GTF2A1: variants seen among roughly 807,000 people sequenced by gnomAD.
GTF2A1 encodes the protein transcription initiation factor IIA subunit 1.
A neutral mutation model predicts 54.1 loss-of-function variants in GTF2A1; 12 were observed. The observed-to-expected ratio is 0.22, with a 90% CI of 0.14 to 0.36. The LOEUF is 0.36. Among genes scored for constraint, GTF2A1 ranks in the 10% least tolerant of loss-of-function variants. GTF2A1 has a pLI of 1.00. For synonymous variants in GTF2A1, 145 were observed against 152.0 expected (o/e 0.95, Z 0.34); for missense variants, 335 against 442.2 (o/e 0.76, Z 2.17).
At chr14:81,195,606 T>C (rs540702076) in intron 6 of GTF2A1, among the ~76,000 whole-genome samples, 2 of 124,678 alleles carry the variant, frequency 1.6e-5, no homozygotes, top group African/African-American at 3.2e-5. Flanking sequence ...CACTCCAGCC[T>C]GGGTGAAAGA....
At chr14:81,192,861 T>A in intron 6 of GTF2A1, 22 bp from the exon 7 acceptor site, 1 of 1,332,344 alleles carries the variant, frequency 7.5e-7, no homozygotes, top group Non-Finnish European at 1.1e-6. Context: ...GAAAACCACA[T>A]AACAGTAACT....
Position 81,220,615 on chromosome 14 carries a change from A to G in GTF2A1, c.-97T>C, listed in dbSNP as rs1416173557. The G allele has an allele frequency of 4.2e-6, 4 of 963,816 alleles. No individual in the cohort carries two copies. In the African/African-American group the frequency reaches 7.0e-5, roughly 17 times the overall value. 59.7% of individuals were successfully genotyped at this position (963,816 alleles called of 1,614,324 possible). ...AACTATAACACCCGGAGGGTGACCC[A>G]AATCACCGCAAGATTGGGGAAAAAA... is the stretch of plus-strand genomic sequence containing the variant. On this transcript the variant is annotated 5_prime_UTR_variant, in exon 1 of 9. Transcript: ENST00000553612.
chr14:81,202,900 C>T, intron 3 of GTF2A1: 2 of 417,046 alleles, frequency 4.8e-6, no homozygotes, highest in Non-Finnish European at 9.4e-6. Flanking sequence ...TGAAAAGTAC[C>T]ACTAGATATC....
At chr14:81,202,491 G>A (rs1282688837) in intron 3 of GTF2A1, among the ~76,000 whole-genome samples, 2 of 152,150 alleles carry the variant, frequency 1.3e-5, no homozygotes, top group African/African-American at 4.8e-5. Context: ...AACTCAGGAG[G>A]CTAAGGTGGG....
chr14:81,220,010 C>G (rs1893583529), intron 1 of GTF2A1, among the ~76,000 whole-genome samples: 1 of 151,952 alleles, frequency 6.6e-6, no homozygotes, highest in African/African-American at 2.4e-5. Flanking sequence ...CCCAAAGTAA[C>G]CATTAATCTT....
At position 81,177,431 on chromosome 14, in the gene GTF2A1, G is replaced by A. The variant is rs1215481742; in HGVS notation, c.*2792C>T. On this transcript the variant is annotated 3_prime_UTR_variant, in exon 9 of 9. Coordinates refer to ENST00000553612, the MANE Select transcript of GTF2A1 (RefSeq NM_015859.4). Reference sequence around the variant, plus strand: ...AAACATGCTCTCAGGCATTCAAATGGTCTGATTACCCAAATGGCCACCAAG... The same window carrying A: ...AAACATGCTCTCAGGCATTCAAATGATCTGATTACCCAAATGGCCACCAAG... 1 of 152,096 alleles carries A rather than the reference G, an allele frequency of 6.6e-6. No individual in the cohort carries two copies. Among genetic ancestry groups the A allele is most frequent in the Non-Finnish European group, 1.5e-5 (1 of 67,956 alleles). 9.4% of individuals were successfully genotyped at this position (152,096 alleles called of 1,614,324 possible). A position where few individuals can be genotyped will look rare whatever the true frequency, so the allele number is the denominator to read the frequency against.
At chr14:81,210,623 C>T (rs1212882782) in intron 2 of GTF2A1, among the ~76,000 whole-genome samples, 3 of 152,092 alleles carry the variant, frequency 2.0e-5, no homozygotes, top group Non-Finnish European at 4.4e-5. Flanking sequence ...GGTGCGATCT[C>T]GGCTCACTGC....
chr14:81,207,169 ACCT>A (rs1387335489), intron 2 of GTF2A1, among the ~76,000 whole-genome samples: 3 of 151,622 alleles, frequency 2.0e-5, no homozygotes, highest in Non-Finnish European at 4.4e-5. Flanking sequence ...CTACCTACCT[ACCT>A]ACCTACCTAC....
intron 2 of GTF2A1, 38 bp from the exon 3 acceptor site, chr14:81,204,142 TA>T: frequency 7.4e-7 from 1 of 1,352,072 alleles, no homozygotes; most frequent in Non-Finnish European, 1.1e-6. Context: ...AAGTGAAAAA[TA>T]ACTCTGGACA....
chr14:81,216,932 G>A (rs569886832), intron 1 of GTF2A1, among the ~76,000 whole-genome samples: 1 of 152,208 alleles, frequency 6.6e-6, no homozygotes, highest in East Asian at 1.9e-4. Flanking sequence ...GGAGTCATCT[G>A]CCTGGTAATA....
In GTF2A1 at chr14:81,179,531, G is replaced by A. The variant is rs1427042672; in HGVS notation, c.*692C>T. 6.6e-6 allele frequency: 1 copy of A among 152,138 alleles called. No homozygotes were observed. Among genetic ancestry groups the A allele is most frequent in the Non-Finnish European group, 1.5e-5 (1 of 68,030 alleles). The allele number at this position is 152,138 out of a possible 1,614,324, so 9.4% of individuals were successfully genotyped here. A position where few individuals can be genotyped will look rare whatever the true frequency, so the allele number is the denominator to read the frequency against. ...TCCACTGAACTCAGACAAGACCCAAGTCTTTAATTACATTTAATAAGTATG... is the reference window on the plus strand; with the variant it reads ...TCCACTGAACTCAGACAAGACCCAAATCTTTAATTACATTTAATAAGTATG... On this transcript the variant is annotated 3_prime_UTR_variant, in exon 9 of 9. Coordinates refer to ENST00000553612, the MANE Select transcript of GTF2A1 (RefSeq NM_015859.4).
chr14:81,203,956 T>G lies in GTF2A1; in HGVS notation c.281A>C (p.Gln94Pro). The G allele has an allele frequency of 6.2e-7, 1 of 1,614,120 alleles. No individual in the cohort carries two copies. The part of the protein sequence containing the change: ...HHHHQQAQPQ[Q>P]TVPQQAQTQQ... ...GGTCTGCGCTTGCTGAGGTACTGTC[T>G]GCTGAGGCTGAGCTTGCTGATGATG... The change falls in exon 3 of 9, where the codon CAG (glutamine) becomes CCG (proline). Residue 94 changes from glutamine to proline, a missense_variant. Gln to Pro is a moderately conservative substitution (Grantham distance 76, BLOSUM62 -1). Coordinates refer to ENST00000553612, the MANE Select transcript of GTF2A1 (RefSeq NM_015859.4).
At chr14:81,217,421 C>T (rs1893510485) in intron 1 of GTF2A1, among the ~76,000 whole-genome samples, 1 of 152,214 alleles carries the variant, frequency 6.6e-6, no homozygotes. Flanking sequence ...GATGACAAAA[C>T]TAGAGCTGCC....
chr14:81,218,795 G>C (rs1200375383), intron 1 of GTF2A1, among the ~76,000 whole-genome samples: 1 of 150,010 alleles, frequency 6.7e-6, no homozygotes, highest in Non-Finnish European at 1.5e-5. Context: ...GTTCTACTTA[G>C]ATTTTTTTTT....
rs1230242604 is a variant in GTF2A1, at chr14:81,192,695, T to C, written c.757A>G (p.Thr253Ala). 3 of 1,614,216 alleles carry C rather than the reference T, an allele frequency of 1.9e-6. No homozygotes were observed. Among genetic ancestry groups the C allele is most frequent in the South Asian group, 2.2e-5 (2 of 91,090 alleles). ...PTPAQAQITA[T>A]GQQQPQAQPA... The stretch of plus-strand genomic sequence containing the variant: ...TGGGCCTGCGGTTGCTGCTGGCCAG[T>C]TGCAGTTATCTGTGCTTGGGCTGGT... The change falls in exon 7 of 9, where the codon ACT (threonine) becomes GCT (alanine). Residue 253 changes from threonine (T) to alanine (A), a missense_variant. Coordinates refer to ENST00000553612, the MANE Select transcript of GTF2A1 (RefSeq NM_015859.4).
Position 81,176,296 on chromosome 14 carries a change from T to C in GTF2A1, c.*3927A>G, listed in dbSNP as rs534397390. 2.0e-5 allele frequency: 3 copies of C among 152,240 alleles called. No individual in the cohort carries two copies. The South Asian group carries it at 6.2e-4, about 32-fold the overall frequency. 9.4% of individuals were successfully genotyped at this position (152,240 alleles called of 1,614,324 possible). A position where few individuals can be genotyped will look rare whatever the true frequency, so the allele number is the denominator to read the frequency against. ...ATATATCACAGAAGAGCAACCTTGA[T>C]CTGCAATGAATTTTACAAACATAAT... On this transcript the variant is annotated 3_prime_UTR_variant, in exon 9 of 9. Coordinates refer to ENST00000553612, the MANE Select transcript of GTF2A1 (RefSeq NM_015859.4).
In GTF2A1 at chr14:81,203,925, C is replaced by G. The variant is rs1414689257; in HGVS notation, c.312G>C (p.Gln104His). 1 of 1,613,932 alleles carries G rather than the reference C, an allele frequency of 6.2e-7. No homozygotes were observed. Among genetic ancestry groups the G allele is most frequent in the Admixed American group, 1.7e-5 (1 of 59,982 alleles). Reference protein sequence around the residue: ...QTVPQQAQTQQVLIPASQQAT... With the variant: ...QTVPQQAQTQHVLIPASQQAT... ...CTTGCTGTGATGCAGGAATAAGAAC[C>G]TGCTGGGTCTGCGCTTGCTGAGGTA... The change falls in exon 3 of 9, where the codon CAG becomes CAC. Residue 104 changes from glutamine to histidine, a missense_variant. Around this residue, in one of 2 missense-constraint regions of GTF2A1, gnomAD observed 306 missense variants for 360.4 expected, o/e 0.85. Coordinates refer to ENST00000553612, the MANE Select transcript of GTF2A1 (RefSeq NM_015859.4).
At chr14:81,188,594 AC>A (rs1269963857) in intron 7 of GTF2A1, among the ~76,000 whole-genome samples, 4 of 151,418 alleles carry the variant, frequency 2.6e-5, no homozygotes, top group African/African-American at 9.7e-5. Flanking sequence ...ACACAGTGAA[AC>A]CCCGTCTCTA....
At chr14:81,181,847 CA>C (rs1892645817) in intron 8 of GTF2A1, among the ~76,000 whole-genome samples, 1 of 152,122 alleles carries the variant, frequency 6.6e-6, no homozygotes, top group Admixed American at 6.5e-5. Context: ...CGGCCAGGTA[CA>C]GATATTTTCT....
Sources: allele counts gnomAD v4.1 joint callset (sites outside exome capture counted in the v4.1 genomes callset), GRCh38; gene constraint gnomAD v4.1.1; regional missense constraint gnomAD v4.1.1; transcripts MANE v1.5; gene names NCBI Gene and HGNC (gene_info 2026-07-23, HGNC 2026-07-21).